PCDHAC1: variants seen among roughly 807,000 people sequenced by gnomAD.
The protein encoded by PCDHAC1 is protocadherin alpha-C1.
PCDHAC1 carries 42 observed loss-of-function variants against 60.0 expected under a neutral mutation model. That is an observed-to-expected ratio of 0.70 (90% CI 0.55 to 0.90). The LOEUF (loss-of-function observed/expected upper bound fraction) is 0.90, where lower values mean the gene tolerates loss of function less well. Among genes scored for constraint, PCDHAC1 ranks in the 40% least tolerant of loss-of-function variants. PCDHAC1 has a pLI of 0.00. For missense variants in PCDHAC1, 1,160 were observed against 1,222.3 expected (o/e 0.95, Z 0.76); for synonymous variants, 468 against 499.3 (o/e 0.94, Z 0.84).
At position 140,926,756 on chromosome 5, in the gene PCDHAC1, G is replaced by T; in HGVS notation, c.-137G>T. 7.8e-7 allele frequency: 1 copy of T among 1,289,704 alleles called. No individual in the cohort carries two copies. Among genetic ancestry groups the T allele is most frequent in the South Asian group, 2.2e-5 (1 of 45,292 alleles). The allele number at this position is 1,289,704 out of a possible 1,614,324, so 79.9% of individuals were successfully genotyped here. On this transcript the variant is annotated 5_prime_UTR_variant, in exon 1 of 4. It removes the in-frame stop codon of an upstream open reading frame in the 5' UTR. Transcript: ENST00000253807. ...GGGAGGCGCAACGTCGGCGGTCGCT[G>T]AGTATCCAGCCCGCAGCAGTGACGG...
At chr5:140,937,316 C>T (rs1355509287) in intron 1 of PCDHAC1, among the ~76,000 whole-genome samples, 7 of 152,044 alleles carry the variant, frequency 4.6e-5, no homozygotes, top group Admixed American at 3.9e-4. Context: ...GGATTACAGG[C>T]GTGAGCCACC....
At chr5:140,929,459 G>A in intron 1 of PCDHAC1, 134 bp downstream of exon 1, 1 of 1,350,080 alleles carries the variant, frequency 7.4e-7, no homozygotes. Flanking sequence ...CACTTCCTGT[G>A]CCAAGAAATC....
intron 1 of PCDHAC1, among the ~76,000 whole-genome samples, chr5:140,953,875 C>T (rs1054189459): frequency 4.6e-5 from 7 of 152,088 alleles, no homozygotes; most frequent in Admixed American, 4.6e-4. Context: ...CTGCACAGAT[C>T]AACCCATCAC....
chr5:140,957,883 A>C (rs1413437105), intron 1 of PCDHAC1, among the ~76,000 whole-genome samples: 1 of 152,098 alleles, frequency 6.6e-6, no homozygotes. Flanking sequence ...TGAAAAGCTG[A>C]AGTTGGCATC....
intron 1 of PCDHAC1, chr5:140,930,374 C>G (rs549190703): frequency 6.6e-6 from 1 of 151,988 alleles, no homozygotes; most frequent in South Asian, 2.1e-4. Flanking sequence ...TGTTAGTGGC[C>G]CTTGGCATTT....
chr5:140,965,011 A>T (rs1418726287), intron 1 of PCDHAC1, among the ~76,000 whole-genome samples: 1 of 152,186 alleles, frequency 6.6e-6, no homozygotes, highest in Non-Finnish European at 1.5e-5. Context: ...TGTCAGGATC[A>T]CAACCTTGGC....
In PCDHAC1 at chr5:140,926,630, C is replaced by T. The variant is rs754707244; in HGVS notation, c.-263C>T. 6.0e-5 allele frequency: 25 copies of T among 417,902 alleles called. No homozygotes were observed. The highest frequency in any genetic ancestry group is 3.3e-5 in the Non-Finnish European group (8 of 243,608). 25.9% of individuals were successfully genotyped at this position (417,902 alleles called of 1,614,324 possible). A position where few individuals can be genotyped will look rare whatever the true frequency, so the allele number is the denominator to read the frequency against. ...CTCTGCACCCCTAGGCGGCGCTGCG[C>T]TCCTCAACACCCGGCCGGCTCCGCT... On this transcript the variant is annotated 5_prime_UTR_variant, in exon 1 of 4. Transcript: ENST00000253807.
Position 140,929,228 on chromosome 5 carries a change from A to G in PCDHAC1, c.2336A>G (p.Asp779Gly). 1 of 1,613,898 alleles carries G rather than the reference A, an allele frequency of 6.2e-7. No individual in the cohort carries two copies. Among genetic ancestry groups the G allele is most frequent in the Non-Finnish European group, 8.5e-7 (1 of 1,179,860 alleles). The change falls in exon 1 of 4, where the codon GAC (aspartate) becomes GGC (glycine). Residue 779 changes from aspartate (D) to glycine (G), a missense_variant. Asp to Gly is a moderately conservative substitution (Grantham distance 94). Around this residue, in one of 3 missense-constraint regions of PCDHAC1, gnomAD observed 1,113 missense variants for 1,163.7 expected, o/e 0.96. Transcript: ENST00000253807. ...TTGCGTGGGGAGTACAATGCTGCCG[A>G]CCTGCGAAATCTTGCCACTGGGGTA... ...LLLRGEYNAADLRNLATGVGL... is the reference protein window; with the variant it reads ...LLLRGEYNAAGLRNLATGVGL...
At position 140,928,778 on chromosome 5, in the gene PCDHAC1, C is replaced by G. The variant is rs564618368; in HGVS notation, c.1886C>G (p.Ala629Gly). The change falls in exon 1 of 4, where the codon GCA becomes GGA. Residue 629 changes from alanine to glycine, a missense_variant. Coordinates refer to ENST00000253807, the MANE Select transcript of PCDHAC1 (RefSeq NM_018898.5). ...GCTCGCTTAGTTCTTCCCACTGATG[C>G]AGTTAAGCAGAGGGTGGTGGTAGTG... ...RTARLVLPTD[A>G]VKQRVVVVVR... 1.9e-6 allele frequency: 3 copies of G among 1,614,136 alleles called. No homozygotes were observed. Among genetic ancestry groups the G allele is most frequent in the East Asian group, 4.5e-5 (2 of 44,886 alleles).
intron 1 of PCDHAC1, among the ~76,000 whole-genome samples, chr5:140,964,926 A>G (rs2095863338): frequency 6.6e-6 from 1 of 152,212 alleles, no homozygotes; most frequent in African/African-American, 2.4e-5. Flanking sequence ...CTGGCTAGGT[A>G]GTGGAGCATT....
At chr5:140,992,205 T>C (rs2097498733) in intron 3 of PCDHAC1, among the ~76,000 whole-genome samples, 1 of 152,186 alleles carries the variant, frequency 6.6e-6, no homozygotes, top group South Asian at 2.1e-4. Flanking sequence ...TCCAATCAGA[T>C]AAACTACTCT....
In PCDHAC1 at chr5:141,010,806, C is replaced by T. The variant is rs1404036886; in HGVS notation, c.*869C>T. ...GCAAAAGCAAAAGAAAACCCCGACA[C>T]CTCACCTTTCGCTGTTTGTTGTTTC... On this transcript the variant is annotated 3_prime_UTR_variant, in exon 4 of 4. Transcript: ENST00000253807. 2 of 153,736 alleles carry T rather than the reference C, an allele frequency of 1.3e-5. No individual in the cohort carries two copies. Among genetic ancestry groups the T allele is most frequent in the Non-Finnish European group, 1.5e-5 (1 of 68,048 alleles). 9.5% of individuals were successfully genotyped at this position (153,736 alleles called of 1,614,324 possible).
chr5:140,931,175 G>A (rs1321525314), intron 1 of PCDHAC1, among the ~76,000 whole-genome samples: 2 of 152,138 alleles, frequency 1.3e-5, no homozygotes, highest in Non-Finnish European at 2.9e-5. Flanking sequence ...TAATTTTAGG[G>A]AAGGAAATTG....
intron 1 of PCDHAC1, among the ~76,000 whole-genome samples, chr5:140,953,230 A>G (rs782703084): frequency 2.0e-5 from 3 of 152,180 alleles, no homozygotes; most frequent in Non-Finnish European, 4.4e-5. Context: ...TCTGCTTGGT[A>G]GCAGTTCAAA....
chr5:140,993,460 TCTCA>T (rs200310897), intron 3 of PCDHAC1, among the ~76,000 whole-genome samples: 2,027 of 104,544 alleles, frequency 0.019, 23 homozygotes, highest in Admixed American at 0.035. Flanking sequence ...CTTCTTTCTT[TCTCA>T]CACACACACA....
intron 1 of PCDHAC1, among the ~76,000 whole-genome samples, chr5:140,947,620 T>C (rs1554218262): frequency 6.6e-6 from 1 of 151,706 alleles, no homozygotes; most frequent in African/African-American, 2.4e-5. Flanking sequence ...CTTAACAATA[T>C]TGAGTCATCA....
At chr5:140,966,972 T>G (rs1554229007) in intron 1 of PCDHAC1, 1 of 1,602,828 alleles carries the variant, frequency 6.2e-7, no homozygotes, top group African/African-American at 1.3e-5. Flanking sequence ...GGGCTTGAGC[T>G]GCGGCGCTTG....
At chr5:140,994,939 C>T (rs1210134523) in intron 3 of PCDHAC1, among the ~76,000 whole-genome samples, 5 of 152,160 alleles carry the variant, frequency 3.3e-5, no homozygotes, top group Non-Finnish European at 7.3e-5. Context: ...CTTAAACATC[C>T]TGCTAAATAA....
At chr5:140,947,642 C>T (rs62384502) in intron 1 of PCDHAC1, among the ~76,000 whole-genome samples, 2 of 151,520 alleles carry the variant, frequency 1.3e-5, no homozygotes, top group East Asian at 1.9e-4. Context: ...ATCGTATGAA[C>T]ATATATACCT....
Sources: allele counts gnomAD v4.1 joint callset (sites outside exome capture counted in the v4.1 genomes callset), GRCh38; gene constraint gnomAD v4.1.1; regional missense constraint gnomAD v4.1.1; transcripts MANE v1.5; gene names NCBI Gene and HGNC (gene_info 2026-07-23, HGNC 2026-07-21).